Variants in STAG1 observed in about 807,000 individuals in gnomAD.
The protein encoded by STAG1 is STAG1 cohesin complex component.
A neutral mutation model predicts 170.9 loss-of-function variants in STAG1; 26 were observed. The observed-to-expected ratio is 0.15, with a 90% CI of 0.11 to 0.21. The LOEUF is 0.21. STAG1 is among the 10% of genes least tolerant of loss of function. The probability of loss-of-function intolerance (pLI) is 1.00; values close to 1 mark genes in which losing one functional copy is unlikely to be tolerated. For synonymous variants in STAG1, 514 were observed against 497.7 expected (o/e 1.03, Z -0.44); for missense variants, 964 against 1,509.5 (o/e 0.64, Z 5.99).
chr3:136,477,516 T>C, intron 9 of STAG1, 104 bp from the exon 10 acceptor site: 1 of 1,101,112 alleles, frequency 9.1e-7, no homozygotes, highest in Non-Finnish European at 1.2e-6. Context: ...TGTTTGTATA[T>C]ATTTGCATTC....
At chr3:136,575,379 T>C (rs1051005719) in intron 4 of STAG1, among the ~76,000 whole-genome samples, 30 of 152,166 alleles carry the variant, frequency 2.0e-4, no homozygotes, top group African/African-American at 7.0e-4. Flanking sequence ...CATATGCCAC[T>C]GTGCCTGGTT....
At chr3:136,534,689 G>A (rs1207765778) in intron 6 of STAG1, among the ~76,000 whole-genome samples, 1 of 152,056 alleles carries the variant, frequency 6.6e-6, no homozygotes, top group Admixed American at 6.6e-5. Flanking sequence ...AATTAAATGG[G>A]CAATGAGATA....
At chr3:136,633,139 C>T (rs1940397026) in intron 1 of STAG1, among the ~76,000 whole-genome samples, 1 of 152,048 alleles carries the variant, frequency 6.6e-6, no homozygotes, top group South Asian at 2.1e-4. Context: ...TTCAAAATGT[C>T]CATTTTTTTA....
chr3:136,752,013 ACAGGCCCGCGCGGCCTC>A (rs1317245593), intron 1 of STAG1, among the ~76,000 whole-genome samples, 165 bp downstream of exon 1: 6 of 150,644 alleles, frequency 4.0e-5, no homozygotes, highest in African/African-American at 1.5e-4. Flanking sequence ...CGCACCCCGC[ACAGGCCCGCGCGGCCTC>A]CCTCCCCCGC....
intron 5 of STAG1, among the ~76,000 whole-genome samples, chr3:136,567,519 A>T (rs1937128518): frequency 6.6e-6 from 1 of 152,010 alleles, no homozygotes; most frequent in Non-Finnish European, 1.5e-5. Flanking sequence ...TTTTTGTAGG[A>T]TATACTTTTT....
At chr3:136,570,435 T>C (rs907677407) in intron 4 of STAG1, among the ~76,000 whole-genome samples, 13 of 152,332 alleles carry the variant, frequency 8.5e-5, no homozygotes, top group Non-Finnish European at 1.5e-4. Context: ...CTATCACCCA[T>C]TTTACTGTTG....
At chr3:136,511,021 C>T (rs1934038806) in intron 7 of STAG1, among the ~76,000 whole-genome samples, 1 of 152,128 alleles carries the variant, frequency 6.6e-6, no homozygotes, top group African/African-American at 2.4e-5. Flanking sequence ...ATCCACCTGT[C>T]TCGGCCTCCC....
chr3:136,727,962 A>G (rs1933784033), intron 1 of STAG1, among the ~76,000 whole-genome samples: 1 of 152,092 alleles, frequency 6.6e-6, no homozygotes, highest in South Asian at 2.1e-4. Context: ...GTTTGAGACC[A>G]GCCTGGCCAA....
At chr3:136,622,952 C>CA (rs2107830802) in intron 3 of STAG1, among the ~76,000 whole-genome samples, 194 bp downstream of exon 3, 1 of 152,268 alleles carries the variant, frequency 6.6e-6, no homozygotes, top group Non-Finnish European at 1.5e-5. Context: ...AGGAGGGCAA[C>CA]AAAATCATAC....
chr3:136,690,056 C>CAAAAAAAAAAAAAAAAAAAAAAAATAAAA (rs57082567), intron 1 of STAG1, among the ~76,000 whole-genome samples: 1 of 56,406 alleles, frequency 1.8e-5, no homozygotes, highest in African/African-American at 7.7e-5. Context: ...AAAAGCAAAC[C>CAAAAAAAAAAAAAAAAAAAAAAAATAAAA]AAAAAAAAAA....
At position 136,505,590 on chromosome 3, in the gene STAG1, A is replaced by G. The variant is rs536678351; in HGVS notation, c.677-2811T>C. On this transcript the variant is annotated intron_variant, in intron 7 of 33. Transcript: ENST00000383202. The stretch of plus-strand genomic sequence containing the variant: ...ATTCATCATAGCTAAAGAAGCACTT[A>G]TTTAAAGTCCTGTCCATTCATCTAA... Among the ~76,000 whole-genome samples the G allele has an allele frequency of 4.6e-5, 7 of 151,426 alleles. No individual in the cohort carries two copies. In the South Asian group the frequency reaches 1.5e-3, roughly 31 times the overall value.
Position 136,359,195 on chromosome 3 carries a change from A to G in STAG1, c.2889T>C (p.Phe963=), listed in dbSNP as rs755929141. The G allele has an allele frequency of 8.1e-6, 13 of 1,613,732 alleles. No homozygotes were observed. The Admixed American group carries it at 8.3e-5, about 10-fold the overall frequency. Residue 963 remains phenylalanine (F), a synonymous_variant, in exon 27 of 34, where the codon TTT becomes TTC. Transcript: ENST00000383202. ...CTCGTGTCTTAATCTGGTCCAATCC[A>G]AATGTAAGGGCAAAGCGACGTGCCA... ...KELARRFALT[F]GLDQIKTREA... is the part of the protein sequence containing the mutation.
At chr3:136,590,390 GGCTGAGGCAGGAGAATC>G (rs1480520333) in intron 4 of STAG1, among the ~76,000 whole-genome samples, 3 of 149,842 alleles carry the variant, frequency 2.0e-5, no homozygotes, top group Non-Finnish European at 3.0e-5. Context: ...CTACTCGGGA[GGCTGAGGCAGGAGAATC>G]GCATGAACCC....
intron 2 of STAG1, among the ~76,000 whole-genome samples, chr3:136,624,538 T>C (rs559038947): frequency 6.6e-6 from 1 of 152,340 alleles, no homozygotes; most frequent in African/African-American, 2.4e-5. Context: ...CTTCATTCAT[T>C]AGTCAATGGT....
chr3:136,693,930 G>T (rs1020702948), intron 1 of STAG1, among the ~76,000 whole-genome samples: 2 of 152,032 alleles, frequency 1.3e-5, no homozygotes, highest in African/African-American at 4.8e-5. Flanking sequence ...AAGGTCAGGG[G>T]TTTGTACAGT....
At chr3:136,679,187 A>C (rs1942247569) in intron 1 of STAG1, among the ~76,000 whole-genome samples, 1 of 152,130 alleles carries the variant, frequency 6.6e-6, no homozygotes, top group African/African-American at 2.4e-5. Flanking sequence ...CTGGTGGCAA[A>C]TTTTTGTGGA....
intron 12 of STAG1, among the ~76,000 whole-genome samples, chr3:136,466,838 A>G (rs6439640): frequency 0.84 from 128,283 of 152,230 alleles, 54,196 homozygotes; most frequent in East Asian, 0.99. Flanking sequence ...AAGAGAGTGG[A>G]AGCCAACATC....
At chr3:136,634,723 C>T (rs1472203278) in intron 1 of STAG1, among the ~76,000 whole-genome samples, 1 of 150,608 alleles carries the variant, frequency 6.6e-6, no homozygotes, top group Admixed American at 6.6e-5. Flanking sequence ...AATTAGTGCA[C>T]AGATAAACTA....
At chr3:136,471,120 T>A (rs2089615424) in intron 12 of STAG1, among the ~76,000 whole-genome samples, 5 of 146,730 alleles carry the variant, frequency 3.4e-5, no homozygotes, top group African/African-American at 2.5e-5. Flanking sequence ...GAAGTTAAAT[T>A]AAAAAAAAAA....
Sources: gnomAD v4.1 joint callset for allele counts (sites outside exome capture counted in the v4.1 genomes callset) on GRCh38, gnomAD v4.1.1 for gene constraint, MANE v1.5 for transcripts, NCBI Gene and HGNC (gene_info 2026-07-23, HGNC 2026-07-21) for gene names.